Variants in SRSF7 observed in about 807,000 individuals in gnomAD.
SRSF7 encodes serine/arginine-rich splicing factor 7.
SRSF7 carries 15 observed loss-of-function variants against 42.2 expected under a neutral mutation model. That is an observed-to-expected ratio of 0.36 (90% confidence interval 0.24 to 0.55). The LOEUF is 0.55. Among genes scored for constraint, SRSF7 ranks in the 20% least tolerant of loss-of-function variants. The pLI is 0.88. For synonymous variants in SRSF7, 138 were observed against 107.9 expected, an observed-to-expected ratio of 1.28 and a Z score of -1.73; for missense variants, 181 against 305.9, an observed-to-expected ratio of 0.59 and a Z score of 3.04.
At chr2:38,746,633 T>C (rs1667455368) in intron 6 of SRSF7, 61 bp downstream of exon 6, 7 of 1,600,590 alleles carry the variant, frequency 4.4e-6, no homozygotes, top group South Asian at 3.4e-5. Context: ...TAAAAACACT[T>C]TGAACTCTTT....
chr2:38,751,105 G>C, intron 1 of SRSF7, 124 bp downstream of exon 1: 1 of 1,314,944 alleles, frequency 7.6e-7, no homozygotes, highest in Non-Finnish European at 1.1e-6. Context: ...GCTTCGTCTG[G>C]CGTGCTCCTA....
At position 38,746,955 on chromosome 2, in the gene SRSF7, ATTGG is replaced by A. The variant is rs1170974577; in HGVS notation, c.573-212_573-209del. 2.8e-5 allele frequency: 22 copies of A among 789,348 alleles called. No homozygotes were observed. In the African/African-American group the frequency reaches 3.6e-4, roughly 13 times the overall value. 48.9% of individuals were successfully genotyped at this position (789,348 alleles called of 1,614,324 possible). On this transcript the variant is annotated intron_variant, in intron 5 of 7. Coordinates refer to ENST00000313117, the MANE Select transcript of SRSF7 (RefSeq NM_001031684.3). ...TTCAATTACTTGTTTCTATCACTCA[ATTGG>A]TTAGTTTCTGTACAGGTATAACATT...
chr2:38,747,995 T>G, intron 5 of SRSF7, 52 bp downstream of exon 5: 1 of 1,324,388 alleles, frequency 7.6e-7, no homozygotes, highest in Non-Finnish European at 1.1e-6. Flanking sequence ...GACACTCTAC[T>G]GATAAGATGT....
At chr2:38,750,853 G>T (rs533674778) in intron 1 of SRSF7, 1 of 280,752 alleles carries the variant, frequency 3.6e-6, no homozygotes, top group Non-Finnish European at 7.1e-6. Context: ...CGCTGAAGTG[G>T]CGGGAAAGCG....
chr2:38,745,971 A>C (rs1667332661), intron 7 of SRSF7, among the ~76,000 whole-genome samples, 173 bp downstream of exon 7: 1 of 152,204 alleles, frequency 6.6e-6, no homozygotes, highest in Non-Finnish European at 1.5e-5. Flanking sequence ...GCAAAAGTAT[A>C]AACTAATGTT....
Position 38,750,253 on chromosome 2 carries a change from T to C in SRSF7, c.29-59A>G, listed in dbSNP as rs914287622. 14 of 1,518,838 alleles carry C rather than the reference T, an allele frequency of 9.2e-6. 1 individual carries two copies. The highest frequency in any genetic ancestry group is 2.8e-5 in the African/African-American group (2 of 71,920). The allele number at this position is 1,518,838 out of a possible 1,614,324, so 94.1% of individuals were successfully genotyped here. ...ACGCAAAATCTGGCCCAAGTTTCAA[T>C]TACTTATTTGCCTTAAAACGGGCCA... On this transcript the variant is annotated intron_variant, in intron 1 of 7. Transcript: ENST00000313117.
In SRSF7 at chr2:38,751,317, A is replaced by C; in HGVS notation, c.-61T>G. 3 of 1,611,506 alleles carry C rather than the reference A, an allele frequency of 1.9e-6. No homozygotes were observed. Among genetic ancestry groups the C allele is most frequent in the South Asian group, 1.1e-5 (1 of 91,018 alleles). ...AGCGCCCAGGGCTCGAGTGACGCAA[A>C]AGCTGACACACACCTTCACCCGCCA... is the stretch of plus-strand genomic sequence containing the variant. On this transcript the variant is annotated 5_prime_UTR_variant, in exon 1 of 8. Coordinates refer to ENST00000313117, the MANE Select transcript of SRSF7 (RefSeq NM_001031684.3).
chr2:38,751,381 C>A (rs1668351028), upstream of SRSF7: 4 of 1,312,044 alleles, frequency 3.0e-6, no homozygotes, highest in East Asian at 4.8e-5. Flanking sequence ...CCCGGGTTCG[C>A]GTTTATATAT....
rs1572572141 is a variant in SRSF7 at position 38,750,997 on chromosome 2, C to T, written c.28+232G>A. On this transcript the variant is annotated intron_variant, in intron 1 of 7. Coordinates refer to ENST00000313117, the MANE Select transcript of SRSF7 (RefSeq NM_001031684.3). ...ACCGTCATCTCAACCCTGCTTTAGG[C>T]TGGATTGGGCCACAAAAATGCCCAA... is the stretch of plus-strand genomic sequence containing the variant. The T allele has an allele frequency of 5.6e-6, 3 of 532,066 alleles. No individual in the cohort carries two copies. In the East Asian group the frequency reaches 9.9e-5, roughly 18 times the overall value. 33.0% of individuals were successfully genotyped at this position (532,066 alleles called of 1,614,324 possible).
chr2:38,746,739 G>C lies in SRSF7; in HGVS notation c.581C>G (p.Ser194Trp). The C allele has an allele frequency of 6.2e-7, 1 of 1,613,466 alleles. No individual in the cohort carries two copies. The highest frequency in any genetic ancestry group is 8.5e-7 in the Non-Finnish European group (1 of 1,179,802). ...AGACCTGGATCTTGATCTTGACCTCGACGGGGATCTTAATAAAAAAAGTGA... is the reference window on the plus strand; with the variant it reads ...AGACCTGGATCTTGATCTTGACCTCCACGGGGATCTTAATAAAAAAAGTGA... ...IKGSRYFQSP[S>W]RSRSRSRSIS... The change falls in exon 6 of 8, where the codon TCG becomes TGG. Residue 194 changes from serine (S) to tryptophan (W), a missense_variant. By Grantham distance (177) the Ser-to-Trp change is radical. Around this residue, in one of 2 missense-constraint regions of SRSF7, gnomAD observed 136 missense variants for 147.8 expected, o/e 0.92. Transcript: ENST00000313117.
Position 38,751,345 on chromosome 2 carries a change from A to C in SRSF7, c.-89T>G. 2.5e-6 allele frequency: 4 copies of C among 1,588,766 alleles called. No homozygotes were observed. The highest frequency in any genetic ancestry group is 2.2e-5 in the South Asian group (2 of 90,448). ...CTGACACACACCTTCACCCGCCAAG[A>C]GTCCCGGCGGCACTACGAGGAAGAG... is the stretch of plus-strand genomic sequence containing the variant. On this transcript the variant is annotated 5_prime_UTR_variant, in exon 1 of 8. Transcript: ENST00000313117.
chr2:38,749,926 C>T, intron 2 of SRSF7, 88 bp downstream of exon 2: 1 of 1,440,056 alleles, frequency 6.9e-7, no homozygotes, highest in Non-Finnish European at 9.4e-7. Context: ...AGGTCTCTTC[C>T]AGACTTCAGA....
chr2:38,746,690 C>T lies in SRSF7; in HGVS notation c.626+4G>A, dbSNP rs1399166407. ...AGAAAAGCATAATCAAATTTTTACC[C>T]TACCTGCTTCTTGGTCGTGAAATAG... On this transcript the variant is annotated splice_donor_region_variant and intron_variant, in intron 6 of 7. Transcript: ENST00000313117. The T allele has an allele frequency of 6.2e-7, 1 of 1,613,344 alleles. No homozygotes were observed. The highest frequency in any genetic ancestry group is 1.3e-5 in the African/African-American group (1 of 74,904).
Position 38,745,153 on chromosome 2 carries a change from T to C in SRSF7, c.697A>G (p.Ser233Gly). The C allele has an allele frequency of 3.1e-6, 5 of 1,614,200 alleles. No homozygotes were observed. Among genetic ancestry groups the C allele is most frequent in the Non-Finnish European group, 4.2e-6 (5 of 1,180,024 alleles). Residue 233 changes from serine (S) to glycine (G), a missense_variant, in exon 8 of 8, where the codon AGT (serine) becomes GGT (glycine). By Grantham distance (56) the Ser-to-Gly change is moderately conservative (BLOSUM62 0). Transcript: ENST00000313117. ...SPSGSPRRSA[S>G]PERMD is the part of the protein sequence containing the mutation. Reference sequence around the variant, plus strand: ...GAGCTTCAGTCCATTCTTTCAGGACTTGCACTTCTGCGAGGACTTCCTGAT... The same window carrying C: ...GAGCTTCAGTCCATTCTTTCAGGACCTGCACTTCTGCGAGGACTTCCTGAT...
At position 38,748,137 on chromosome 2, in the gene SRSF7, C is replaced by G; in HGVS notation, c.482G>C (p.Arg161Pro). Residue 161 changes from arginine to proline, a missense_variant, in exon 5 of 8, where the codon CGA becomes CCA. Physicochemically the swap from Arg to Pro is moderately radical, Grantham distance 103. Coordinates refer to ENST00000313117, the MANE Select transcript of SRSF7 (RefSeq NM_001031684.3). ...RGRRSRSASP[R>P]RSRSISLRRS... The stretch of plus-strand genomic sequence containing the variant: ...ACGAAGAGAGATAGATCTTGATCGT[C>G]GAGGAGATGCTGACCTTGACCTAAA... 7 of 1,613,348 alleles carry G rather than the reference C, an allele frequency of 4.3e-6. No individual in the cohort carries two copies. Among genetic ancestry groups the G allele is most frequent in the Non-Finnish European group, 5.9e-6 (7 of 1,179,632 alleles).
In SRSF7 at chr2:38,746,674, T is replaced by A; in HGVS notation, c.626+20A>T. On this transcript the variant is annotated intron_variant, in intron 6 of 7. Coordinates refer to ENST00000313117, the MANE Select transcript of SRSF7 (RefSeq NM_001031684.3). ...TTGGTGCCATATAACTAGAAAAGCA[T>A]AATCAAATTTTTACCCTACCTGCTT... is the stretch of plus-strand genomic sequence containing the variant. 1 of 1,612,860 alleles carries A rather than the reference T, an allele frequency of 6.2e-7. No individual in the cohort carries two copies. Among genetic ancestry groups the A allele is most frequent in the Non-Finnish European group, 8.5e-7 (1 of 1,179,682 alleles).
At chr2:38,746,245 A>G (rs1199153653) in intron 6 of SRSF7, 66 bp from the exon 7 acceptor site, 117 of 1,557,962 alleles carry the variant, frequency 7.5e-5, no homozygotes, top group Middle Eastern at 1.7e-4. Flanking sequence ...GTAGTCACCA[A>G]TACCGTAAAA....
rs771616342 is a variant in SRSF7 at position 38,749,496 on chromosome 2, G to C, written c.386+33C>G. 14 of 1,548,488 alleles carry C rather than the reference G, an allele frequency of 9.0e-6. No homozygotes were observed. The Admixed American group carries it at 1.3e-4, about 14-fold the overall frequency. ...AATAAAAGAATTACTTGATTAACTAGAATACCAACCATTCCTTTATTAAAA... is the reference window on the plus strand; with the variant it reads ...AATAAAAGAATTACTTGATTAACTACAATACCAACCATTCCTTTATTAAAA... On this transcript the variant is annotated intron_variant, in intron 3 of 7. Coordinates refer to ENST00000313117, the MANE Select transcript of SRSF7 (RefSeq NM_001031684.3).
chr2:38,744,172 A>C lies in SRSF7; in HGVS notation c.*961T>G. The C allele has an allele frequency of 1.0e-4, 16 of 152,626 alleles. No individual in the cohort carries two copies. The Admixed American group carries it at 1.0e-3, about 10-fold the overall frequency. 9.5% of individuals were successfully genotyped at this position (152,626 alleles called of 1,614,324 possible). A position where few individuals can be genotyped will look rare whatever the true frequency, so the allele number is the denominator to read the frequency against. On this transcript the variant is annotated 3_prime_UTR_variant, in exon 8 of 8. Transcript: ENST00000313117. ...TAATTACTTTGCACCAGCCTGGCAA[A>C]ATAGAAGAATGTTGTGGTTGGGAAC...
Sources: gnomAD v4.1 joint callset for allele counts (sites outside exome capture counted in the v4.1 genomes callset) on GRCh38, gnomAD v4.1.1 for gene constraint, gnomAD v4.1.1 regional missense constraint, MANE v1.5 for transcripts, NCBI Gene and HGNC (gene_info 2026-07-23, HGNC 2026-07-21) for gene names.